Variants in MRPL3 observed in about 807,000 individuals in gnomAD.
MRPL3 encodes the protein mitochondrial ribosomal protein L3.
Under a neutral mutation model 44.3 loss-of-function variants are expected in MRPL3, and 43 were observed. The observed-to-expected ratio is 0.97, with a 90% CI of 0.76 to 1.25. The LOEUF is 1.25. Ranked by LOEUF, MRPL3 falls within the 50% of genes most tolerant of loss-of-function variation. MRPL3 has a pLI of 0.00. For missense variants in MRPL3, 406 were observed against 427.6 expected (o/e 0.95, Z 0.45); for synonymous variants, 171 against 152.3 (o/e 1.12, Z -0.91).
chr3:131,476,700 A>C (rs1057312771), intron 6 of MRPL3, among the ~76,000 whole-genome samples: 2 of 152,176 alleles, frequency 1.3e-5, no homozygotes, highest in Non-Finnish European at 2.9e-5. Context: ...AGAAATTCAG[A>C]TGTATCATTT....
intron 4 of MRPL3, among the ~76,000 whole-genome samples, chr3:131,493,511 C>G (rs1305489590): frequency 6.6e-6 from 1 of 152,170 alleles, no homozygotes; most frequent in Non-Finnish European, 1.5e-5. Context: ...TCATCTGTGT[C>G]TCTAACTTTA....
In MRPL3 at chr3:131,468,267, A is replaced by G. The variant is rs879234231; in HGVS notation, c.817-99T>C. 3 of 629,402 alleles carry G rather than the reference A, an allele frequency of 4.8e-6. 1 individual carries two copies. The South Asian group carries it at 7.6e-5, about 16-fold the overall frequency. 39.0% of individuals were successfully genotyped at this position (629,402 alleles called of 1,614,324 possible). On this transcript the variant is annotated intron_variant, in intron 8 of 9. Coordinates refer to ENST00000264995, the MANE Select transcript of MRPL3 (RefSeq NM_007208.4). The stretch of plus-strand genomic sequence containing the variant: ...TAAGTTGCTTGTAAAGTAATAAAAG[A>G]TTATTACCAGTACTTCAGAATGTTG...
intron 7 of MRPL3, among the ~76,000 whole-genome samples, chr3:131,470,653 C>T (rs977299044): frequency 6.6e-6 from 1 of 151,938 alleles, no homozygotes; most frequent in Admixed American, 6.6e-5. Flanking sequence ...TCTCTGTGTG[C>T]TACATTTTTT....
chr3:131,500,337 C>T (rs1488091051), intron 3 of MRPL3, 93 bp downstream of exon 3: 11 of 985,450 alleles, frequency 1.1e-5, no homozygotes, highest in Non-Finnish European at 1.6e-5. Context: ...CATACAGTTC[C>T]ATGTTTCAGG....
chr3:131,467,887 A>C (rs985236453), intron 9 of MRPL3, among the ~76,000 whole-genome samples: 2 of 152,100 alleles, frequency 1.3e-5, no homozygotes, highest in African/African-American at 4.8e-5. Flanking sequence ...TTTTTCACTC[A>C]GGTGCTACTA....
chr3:131,489,071 TAAGA>T (rs1351694210), intron 5 of MRPL3, among the ~76,000 whole-genome samples: 1 of 152,064 alleles, frequency 6.6e-6, no homozygotes, highest in African/African-American at 2.4e-5. Context: ...ACAAAGAGTT[TAAGA>T]AAGTTAGATG....
intron 3 of MRPL3, among the ~76,000 whole-genome samples, chr3:131,498,595 G>C (rs925344977): frequency 3.3e-5 from 5 of 150,958 alleles, no homozygotes; most frequent in South Asian, 2.1e-4. Flanking sequence ...CCAGCTACTC[G>C]GGAGGCTGAG....
At chr3:131,486,459 T>A (rs1164481651) in intron 6 of MRPL3, among the ~76,000 whole-genome samples, 9 of 149,744 alleles carry the variant, frequency 6.0e-5, no homozygotes, top group South Asian at 2.1e-4. Flanking sequence ...TTTTTTTTTT[T>A]ATTATACTCT....
intron 6 of MRPL3, among the ~76,000 whole-genome samples, chr3:131,476,750 T>C (rs1933861171): frequency 6.6e-6 from 1 of 152,222 alleles, no homozygotes; most frequent in African/African-American, 2.4e-5. Flanking sequence ...TCAGTCCATT[T>C]CCCCTCAGTA....
chr3:131,474,187 C>A (rs80239307), intron 6 of MRPL3, among the ~76,000 whole-genome samples: 2 of 152,064 alleles, frequency 1.3e-5, no homozygotes, highest in Non-Finnish European at 2.9e-5. Context: ...AAATGTGGCA[C>A]ATATACACAT....
rs1391856968 is a variant in MRPL3 at position 131,502,813 on chromosome 3, A to C, written c.9T>G (p.Gly3=). The C allele has an allele frequency of 6.2e-7, 1 of 1,611,470 alleles. No homozygotes were observed. Among genetic ancestry groups the C allele is most frequent in the Non-Finnish European group, 8.5e-7 (1 of 1,179,268 alleles). Residue 3 remains glycine (G), a synonymous_variant, in exon 1 of 10, where the codon GGT becomes GGG. Coordinates refer to ENST00000264995, the MANE Select transcript of MRPL3 (RefSeq NM_007208.4). MP[G]WRLLTQVGAQ... is the part of the protein sequence containing the mutation. ...CGCCGACCTGCGTCAGCAGCCTCCA[A>C]CCCGGCATGGATTAGCCCGGGAAGA...
Position 131,502,714 on chromosome 3 carries a change from C to T in MRPL3, c.92+16G>A, listed in dbSNP as rs755167013. On this transcript the variant is annotated intron_variant, in intron 1 of 9. Transcript: ENST00000264995. ...GGACGCAACTGTGCAGGTAGGACACCCTCACACCTTCCTACCTGTTCCCCG... is the reference window on the plus strand; with the variant it reads ...GGACGCAACTGTGCAGGTAGGACACTCTCACACCTTCCTACCTGTTCCCCG... 2.5e-6 allele frequency: 4 copies of T among 1,600,872 alleles called. No individual in the cohort carries two copies. Among genetic ancestry groups the T allele is most frequent in the East Asian group, 2.2e-5 (1 of 44,504 alleles).
rs768592195 is a variant in MRPL3 at position 131,501,719 on chromosome 3, T to G, written c.93-4A>C. 1 of 1,597,984 alleles carries G rather than the reference T, an allele frequency of 6.3e-7. No homozygotes were observed. The highest frequency in any genetic ancestry group is 1.8e-5 in the Admixed American group (1 of 56,006). On this transcript the variant is annotated splice_region_variant and splice_polypyrimidine_tract_variant and intron_variant, in intron 1 of 9. Coordinates refer to ENST00000264995, the MANE Select transcript of MRPL3 (RefSeq NM_007208.4). ...AACAAAAAGCCAGATGTGTGTTCTA[T>G]AAAAAGAAAAAATAAATAAAACCAA...
intron 1 of MRPL3, 31 bp from the exon 2 acceptor site, chr3:131,501,746 C>T (rs1934502000): frequency 1.9e-6 from 3 of 1,593,268 alleles, no homozygotes; most frequent in Admixed American, 1.8e-5. Flanking sequence ...TAAAACCAAA[C>T]CACAATTTAA....
chr3:131,462,655 T>A lies in MRPL3; in HGVS notation c.*68A>T. On this transcript the variant is annotated 3_prime_UTR_variant, in exon 10 of 10. Transcript: ENST00000264995. Reference sequence around the variant, plus strand: ...TAAGAAAGGAGAGTATGATTTCTGGTGGTTATGATATCACTCTGGCTCATC... The same window carrying A: ...TAAGAAAGGAGAGTATGATTTCTGGAGGTTATGATATCACTCTGGCTCATC... 7.1e-7 allele frequency: 1 copy of A among 1,411,012 alleles called. No individual in the cohort carries two copies. The highest frequency in any genetic ancestry group is 9.6e-7 in the Non-Finnish European group (1 of 1,042,418). The allele number at this position is 1,411,012 out of a possible 1,614,324, so 87.4% of individuals were successfully genotyped here. A position where few individuals can be genotyped will look rare whatever the true frequency, so the allele number is the denominator to read the frequency against.
intron 6 of MRPL3, among the ~76,000 whole-genome samples, chr3:131,486,702 T>C (rs867526901): frequency 6.6e-6 from 1 of 151,808 alleles, no homozygotes; most frequent in African/African-American, 2.4e-5. Flanking sequence ...AACAGACACA[T>C]GAAAAAATGC....
At chr3:131,488,733 TA>T (rs1934184632) in intron 5 of MRPL3, 1 of 151,970 alleles carries the variant, frequency 6.6e-6, no homozygotes, top group African/African-American at 2.4e-5. Flanking sequence ...CAAAGTGCTG[TA>T]AGATTGCAGG....
intron 6 of MRPL3, among the ~76,000 whole-genome samples, chr3:131,482,708 A>G (rs1934018765): frequency 6.6e-6 from 1 of 151,298 alleles, no homozygotes; most frequent in Non-Finnish European, 1.5e-5. Context: ...TCTTTCAGAA[A>G]GAAAAAAACA....
chr3:131,502,533 C>T (rs535103741), intron 1 of MRPL3, among the ~76,000 whole-genome samples, 197 bp downstream of exon 1: 1 of 152,168 alleles, frequency 6.6e-6, no homozygotes, highest in Non-Finnish European at 1.5e-5. Context: ...TAGTGGCTGG[C>T]TCATAAGCGT....
Sources: allele counts gnomAD v4.1 joint callset (sites outside exome capture counted in the v4.1 genomes callset), GRCh38; gene constraint gnomAD v4.1.1; transcripts MANE v1.5; gene names NCBI Gene and HGNC (gene_info 2026-07-23, HGNC 2026-07-21).